Variants in DPP6 observed in about 807,000 individuals in gnomAD.
The protein encoded by DPP6 is dipeptidyl peptidase like 6.
In DPP6, 69 loss-of-function variants were observed where a neutral mutation model predicts 122.6. The ratio of observed to expected loss-of-function variants is 0.56; its 90% CI spans 0.46 to 0.69. The LOEUF is 0.69. Ranked by LOEUF, DPP6 falls within the 30% of genes least tolerant of loss-of-function variation. The pLI is 0.00. For synonymous variants in DPP6, 418 were observed against 433.1 expected, an observed-to-expected ratio of 0.97 and a Z score of 0.43; for missense variants, 928 against 1,116.9, an observed-to-expected ratio of 0.83 and a Z score of 2.41.
chr7:154,056,003 C>G (rs1410567865), intron 1 of DPP6: 1 of 152,026 alleles, frequency 6.6e-6, no homozygotes, highest in East Asian at 1.9e-4. Context: ...TGAGAATGGG[C>G]AATTACCCAG....
intron 5 of DPP6, among the ~76,000 whole-genome samples, chr7:154,580,873 GAAGA>G (rs1414230919): frequency 1.3e-5 from 2 of 152,162 alleles, no homozygotes; most frequent in East Asian, 3.9e-4. Context: ...AAAGAAGGCA[GAAGA>G]AAGAGCAGCA....
At chr7:154,532,481 A>G (rs1356306224) in intron 3 of DPP6, among the ~76,000 whole-genome samples, 1 of 152,098 alleles carries the variant, frequency 6.6e-6, no homozygotes, top group Non-Finnish European at 1.5e-5. Flanking sequence ...GGAAGGAATA[A>G]CAAAGAAAAG....
intron 3 of DPP6, among the ~76,000 whole-genome samples, chr7:154,502,019 A>C (rs2151413938): frequency 6.6e-6 from 1 of 152,244 alleles, no homozygotes; most frequent in South Asian, 2.1e-4. Context: ...GGAGTCAAAA[A>C]AGATCATTTT....
At chr7:154,435,545 G>A (rs1586263557) in intron 1 of DPP6, among the ~76,000 whole-genome samples, 1 of 152,204 alleles carries the variant, frequency 6.6e-6, no homozygotes, top group East Asian at 1.9e-4. Flanking sequence ...CAATAATGAA[G>A]ACTGAGTAAA....
chr7:154,323,604 T>C (rs1477749455), intron 1 of DPP6, among the ~76,000 whole-genome samples: 1 of 152,222 alleles, frequency 6.6e-6, no homozygotes, highest in Admixed American at 6.5e-5. Context: ...CTGGGGTAAG[T>C]GGATGGAATC....
the DPP6 span, among the ~76,000 whole-genome samples, chr7:153,844,296 C>T: frequency 1.3e-5 from 2 of 152,310 alleles, no homozygotes; most frequent in Middle Eastern, 3.4e-3. Context: ...TTAAATGAAC[C>T]ATAGCAATCA....
chr7:154,784,374 C>A (rs1052975938), intron 10 of DPP6, among the ~76,000 whole-genome samples: 6 of 152,266 alleles, frequency 3.9e-5, no homozygotes, highest in Middle Eastern at 3.4e-3. Flanking sequence ...TCAGAAGTCA[C>A]AGAAGCTTAT....
the DPP6 span, among the ~76,000 whole-genome samples, chr7:153,761,284 G>C: frequency 5.9e-5 from 9 of 152,096 alleles, no homozygotes; most frequent in African/African-American, 2.2e-4. Flanking sequence ...CATACCTTTT[G>C]ATTTTAGAAA....
intron 1 of DPP6, among the ~76,000 whole-genome samples, chr7:154,276,514 GA>G (rs1159198905): frequency 1.3e-5 from 2 of 152,200 alleles, no homozygotes; most frequent in African/African-American, 2.4e-5. Flanking sequence ...AATTGATTAG[GA>G]AATGGCAATG....
At chr7:153,749,042 G>C in the DPP6 span, among the ~76,000 whole-genome samples, 5 of 152,138 alleles carry the variant, frequency 3.3e-5, no homozygotes, top group Non-Finnish European at 2.9e-5. The surrounding 1 kb of genome is among the most constrained non-coding windows in gnomAD (Gnocchi z 4.1). Context: ...GCTTGTGCGG[G>C]GGCGTGGGGC....
chr7:154,497,569 A>G (rs544351290), intron 3 of DPP6, among the ~76,000 whole-genome samples: 241 of 151,874 alleles, frequency 1.6e-3, no homozygotes, highest in South Asian at 8.6e-3. Context: ...GGATTAAACC[A>G]CTGCACTCCA....
intron 1 of DPP6, among the ~76,000 whole-genome samples, chr7:154,255,501 G>A (rs28736342): frequency 0.038 from 5,762 of 152,174 alleles, 299 homozygotes; most frequent in African/African-American, 0.11. Flanking sequence ...TCTGCGGTGC[G>A]GGAATGGCAG....
chr7:154,100,442 C>T (rs967282993), intron 1 of DPP6, among the ~76,000 whole-genome samples: 2 of 76,760 alleles, frequency 2.6e-5, no homozygotes, highest in Non-Finnish European at 2.4e-5. Context: ...TGATTCGCCC[C>T]ATCCCCCGTC....
chr7:154,426,515 G>A lies in DPP6; in HGVS notation c.244-19699G>A, dbSNP rs552813777. On this transcript the variant is annotated intron_variant, in intron 1 of 25. Coordinates refer to ENST00000377770, the MANE Select transcript of DPP6 (RefSeq NM_130797.4). ...GACACGTGTAGAAAATCCTGTATTG[G>A]TCTTCTTCCTTGTTGACCGTAGTGC... is the stretch of plus-strand genomic sequence containing the variant. Among the ~76,000 whole-genome samples the A allele has an allele frequency of 3.3e-5, 5 of 152,202 alleles. No individual in the cohort carries two copies. In the East Asian group the frequency reaches 9.7e-4, roughly 29 times the overall value.
In DPP6 at chr7:154,403,822, G is replaced by T. The variant is rs751443950; in HGVS notation, c.244-42392G>T. ...GGTGTAAAGGACAGCTCTTTATTTG[G>T]CTGTGAATATCCACCACTGTCTTCC... On this transcript the variant is annotated intron_variant, in intron 1 of 25. Transcript: ENST00000377770. This position sits in a 1 kb window ranked among gnomAD's most constrained non-coding sequence, Gnocchi z 4.1. 3.9e-5 allele frequency among the ~76,000 whole-genome samples: 6 copies of T among 152,150 alleles called. No individual in the cohort carries two copies. Among genetic ancestry groups the T allele is most frequent in the Non-Finnish European group, 5.9e-5 (4 of 68,010 alleles).
At position 154,288,481 on chromosome 7, in the gene DPP6, A is replaced by G. The variant is rs537027434; in HGVS notation, c.244-157733A>G. ...TGTGTGACCTCAGACCAGGAGTGCAATCTCTCTGCACATCTGACATCTGTG... is the reference window on the plus strand; with the variant it reads ...TGTGTGACCTCAGACCAGGAGTGCAGTCTCTCTGCACATCTGACATCTGTG... On this transcript the variant is annotated intron_variant, in intron 1 of 25. Transcript: ENST00000377770. Among the ~76,000 whole-genome samples the G allele has an allele frequency of 1.1e-4, 17 of 152,268 alleles. No homozygotes were observed. In the East Asian group the frequency reaches 1.5e-3, roughly 14 times the overall value.
At chr7:154,289,762 GTATT>G (rs113973232) in intron 1 of DPP6, among the ~76,000 whole-genome samples, 12,397 of 152,124 alleles carry the variant, frequency 0.081, 794 homozygotes, top group African/African-American at 0.18. Flanking sequence ...GAATTTTGAT[GTATT>G]TATTTGTCAT....
intron 16 of DPP6, among the ~76,000 whole-genome samples, chr7:154,830,569 T>C (rs1330790163): frequency 6.6e-6 from 1 of 152,246 alleles, no homozygotes; most frequent in Admixed American, 6.5e-5. Context: ...GGTGGTTTCT[T>C]GAAGAAAAGG....
chr7:154,455,908 C>G (rs1820784236), intron 2 of DPP6, among the ~76,000 whole-genome samples: 1 of 152,150 alleles, frequency 6.6e-6, no homozygotes, highest in Non-Finnish European at 1.5e-5. Context: ...AGTCTCTTGC[C>G]TGCTATAGAT....
Sources: gnomAD v4.1 joint callset for allele counts (sites outside exome capture counted in the v4.1 genomes callset) on GRCh38, gnomAD v4.1.1 for gene constraint, Gnocchi (gnomAD v3.1) non-coding constraint, MANE v1.5 for transcripts, NCBI Gene and HGNC (gene_info 2026-07-23, HGNC 2026-07-21) for gene names.